PSPC1: variants seen among roughly 807,000 people sequenced by gnomAD.
PSPC1 encodes paraspeckle protein 1.
In PSPC1, 14 loss-of-function variants were observed where a neutral mutation model predicts 51.6. The observed-to-expected ratio is 0.27, with a 90% CI of 0.18 to 0.42. The LOEUF is 0.42. PSPC1 is among the 10% of genes least tolerant of loss of function. The pLI is 1.00. For missense variants in PSPC1, 406 were observed against 701.1 expected (o/e 0.58, Z 4.75); for synonymous variants, 193 against 231.9 (o/e 0.83, Z 1.53).
intron 3 of PSPC1, among the ~76,000 whole-genome samples, chr13:19,758,881 C>T (rs985347269): frequency 1.5e-4 from 23 of 151,630 alleles, no homozygotes; most frequent in Non-Finnish European, 2.4e-4. Context: ...TAGATTTCAT[C>T]GTTTTTCTGG....
At chr13:19,770,804 AAGG>A (rs1216725507) in intron 2 of PSPC1, among the ~76,000 whole-genome samples, 3 of 151,924 alleles carry the variant, frequency 2.0e-5, no homozygotes, top group East Asian at 3.9e-4. Context: ...GTGGCTGAGG[AAGG>A]AGAATTGCTT....
At chr13:19,726,077 GC>G (rs1326771213) in intron 6 of PSPC1, among the ~76,000 whole-genome samples, 10 of 152,108 alleles carry the variant, frequency 6.6e-5, no homozygotes. Context: ...ATTCACTTAA[GC>G]CCAGGAGTTT....
chr13:19,716,657 A>T (rs1882127435), intron 6 of PSPC1, among the ~76,000 whole-genome samples: 1 of 152,192 alleles, frequency 6.6e-6, no homozygotes, highest in African/African-American at 2.4e-5. Flanking sequence ...AAATCCACTA[A>T]AAAATATATA....
chr13:19,761,526 G>A (rs1422717552), intron 2 of PSPC1, among the ~76,000 whole-genome samples: 1 of 152,108 alleles, frequency 6.6e-6, no homozygotes, highest in Non-Finnish European at 1.5e-5. Flanking sequence ...CATAATACCA[G>A]AGATTAACAC....
At chr13:19,748,771 G>C (rs1886245650) in intron 4 of PSPC1, among the ~76,000 whole-genome samples, 1 of 148,742 alleles carries the variant, frequency 6.7e-6, no homozygotes, top group African/African-American at 2.5e-5. Context: ...AAATGGCAGA[G>C]AAGTGCCTAG....
At chr13:19,765,985 T>C (rs1290592389) in intron 2 of PSPC1, among the ~76,000 whole-genome samples, 1 of 152,176 alleles carries the variant, frequency 6.6e-6, no homozygotes, top group East Asian at 1.9e-4. Context: ...TTGGAAAAAG[T>C]AATCCCTTTC....
intron 1 of PSPC1, among the ~76,000 whole-genome samples, 193 bp from the exon 2 acceptor site, chr13:19,772,736 G>A (rs1179764184): frequency 6.6e-6 from 1 of 152,080 alleles, no homozygotes; most frequent in Admixed American, 6.6e-5. Flanking sequence ...TAATTAAAAG[G>A]TCCCAACTCC....
chr13:19,731,158 A>T (rs945731697), intron 5 of PSPC1, among the ~76,000 whole-genome samples: 3 of 152,054 alleles, frequency 2.0e-5, no homozygotes, highest in Admixed American at 1.3e-4. Context: ...ACTGAAAGAA[A>T]TCCCCTGAAG....
intron 3 of PSPC1, among the ~76,000 whole-genome samples, chr13:19,753,366 C>T (rs1305481761): frequency 6.6e-6 from 1 of 151,392 alleles, no homozygotes; most frequent in Non-Finnish European, 1.5e-5. Context: ...CTACAGAGCA[C>T]CTAGAACTAC....
At chr13:19,680,873 A>G (rs796396047) in intron 6 of PSPC1, among the ~76,000 whole-genome samples, 24 of 152,318 alleles carry the variant, frequency 1.6e-4, no homozygotes, top group African/African-American at 5.5e-4. Flanking sequence ...ATAGTCAGAA[A>G]TGTAAACAGT....
chr13:19,691,231 G>C (rs1482654952), intron 6 of PSPC1, among the ~76,000 whole-genome samples: 1 of 152,218 alleles, frequency 6.6e-6, no homozygotes, highest in Non-Finnish European at 1.5e-5. Context: ...GGGAAAAAAA[G>C]TAGGCATTGC....
intron 6 of PSPC1, among the ~76,000 whole-genome samples, chr13:19,682,606 A>T (rs1313437874): frequency 6.6e-6 from 1 of 152,162 alleles, no homozygotes; most frequent in African/African-American, 2.4e-5. Context: ...TTAAAACCAC[A>T]ATGAGATATA....
intron 6 of PSPC1, among the ~76,000 whole-genome samples, chr13:19,690,334 A>G (rs750992209): frequency 4.6e-5 from 7 of 152,246 alleles, no homozygotes; most frequent in African/African-American, 1.7e-4. Context: ...AATCACATCA[A>G]CAATGAGTTC....
chr13:19,782,674 C>G lies in PSPC1; in HGVS notation c.84G>C (p.Glu28Asp), dbSNP rs1890105258. The G allele has an allele frequency of 6.4e-7, 1 of 1,562,192 alleles. No individual in the cohort carries two copies. The highest frequency in any genetic ancestry group is 8.6e-7 in the Non-Finnish European group (1 of 1,163,606). Residue 28 changes from glutamate to aspartate, a missense_variant, in exon 1 of 9, where the codon GAG becomes GAC. By Grantham distance (45) the Glu-to-Asp change is conservative. Around this residue, in one of 5 missense-constraint regions of PSPC1, gnomAD observed 128 missense variants for 107.1 expected, o/e 1.20. Transcript: ENST00000338910. The surrounding 1 kb of genome is among the most constrained non-coding windows in gnomAD (Gnocchi z 4.5). ...RLRALESAVG[E>D]SEPAAAAAMA... ...TGGCTGCCGCGGCCGCCGGCTCGCT[C>G]TCGCCCACCGCGGACTCCAGGGCGC...
At chr13:19,689,013 G>A (rs1949059830) in intron 6 of PSPC1, among the ~76,000 whole-genome samples, 1 of 149,880 alleles carries the variant, frequency 6.7e-6, no homozygotes, top group Admixed American at 6.6e-5. Flanking sequence ...CTAGCACCCA[G>A]GCTATTTTAT....
At chr13:19,683,410 G>GA (rs202017261) in intron 6 of PSPC1, among the ~76,000 whole-genome samples, 33 of 152,212 alleles carry the variant, frequency 2.2e-4, no homozygotes, top group Middle Eastern at 3.4e-3. Flanking sequence ...AAGCCGGAGA[G>GA]AAAAAAGAGT....
In PSPC1 at chr13:19,751,329, T is replaced by C; in HGVS notation, c.909A>G (p.Lys303=). The C allele has an allele frequency of 6.3e-7, 1 of 1,577,818 alleles. No homozygotes were observed. Among genetic ancestry groups the C allele is most frequent in the Non-Finnish European group, 8.6e-7 (1 of 1,168,910 alleles). The change falls in exon 4 of 9, where the codon AAA becomes AAG. Residue 303 remains lysine (K), a synonymous_variant. Transcript: ENST00000338910. ...VDRNIREAKE[K]LEAEMEAARH... is the part of the protein sequence containing the mutation. ...TAGCTGCTTCCATTTCTGCCTCCAG[T>C]TTCTCTTTGGCTTCTCTGATGTTTC...
chr13:19,745,619 ATTT>A (rs1162271178), intron 4 of PSPC1, among the ~76,000 whole-genome samples: 8 of 140,738 alleles, frequency 5.7e-5, no homozygotes, highest in Admixed American at 1.4e-4. Context: ...CACTGAATTA[ATTT>A]TTTTTTTTTT....
chr13:19,711,120 C>T (rs780882647), intron 6 of PSPC1, among the ~76,000 whole-genome samples: 34 of 152,272 alleles, frequency 2.2e-4, no homozygotes, highest in South Asian at 4.1e-4. Context: ...GGATTACAAA[C>T]GTGAACCGCA....
Sources: gnomAD v4.1 joint callset for allele counts (sites outside exome capture counted in the v4.1 genomes callset) on GRCh38, gnomAD v4.1.1 for gene constraint, gnomAD v4.1.1 regional missense constraint, Gnocchi (gnomAD v3.1) non-coding constraint, MANE v1.5 for transcripts, NCBI Gene and HGNC (gene_info 2026-07-23, HGNC 2026-07-21) for gene names.